MAD1L1: variants seen among roughly 807,000 people sequenced by gnomAD.
The protein encoded by MAD1L1 is mitotic spindle assembly checkpoint protein MAD1.
Under a neutral mutation model 96.9 loss-of-function variants are expected in MAD1L1, and 95 were observed. The ratio of observed to expected loss-of-function variants is 0.98; its 90% CI spans 0.83 to 1.16. The LOEUF (loss-of-function observed/expected upper bound fraction) is 1.16, where lower values mean the gene tolerates loss of function less well. Ranked by LOEUF, MAD1L1 falls within the 50% of genes most tolerant of loss-of-function variation. MAD1L1 has a pLI of 0.00. For missense variants in MAD1L1, 1,007 were observed against 954.4 expected, an observed-to-expected ratio of 1.06 and a Z score of -0.73; for synonymous variants, 473 against 396.6, an observed-to-expected ratio of 1.19 and a Z score of -2.29.
chr7:1,940,337 G>C (rs1254417425), intron 16 of MAD1L1: 1 of 152,262 alleles, frequency 6.6e-6, no homozygotes, highest in East Asian at 1.9e-4. Context: ...AGAGGATGAA[G>C]AGACATCTTG....
At chr7:2,017,635 G>A (rs1782601128) in intron 12 of MAD1L1, among the ~76,000 whole-genome samples, 1 of 152,220 alleles carries the variant, frequency 6.6e-6, no homozygotes, top group African/African-American at 2.4e-5. Flanking sequence ...CAATCAGAGG[G>A]AACAGCGTTG....
chr7:1,922,239 G>A (rs1395100623), intron 17 of MAD1L1, among the ~76,000 whole-genome samples: 2 of 152,240 alleles, frequency 1.3e-5, no homozygotes, highest in Non-Finnish European at 2.9e-5. Context: ...GCCGCGCCGC[G>A]TCTTTACTGC....
At chr7:1,980,957 G>A (rs531821010) in intron 14 of MAD1L1, among the ~76,000 whole-genome samples, 1 of 152,110 alleles carries the variant, frequency 6.6e-6, no homozygotes, top group Non-Finnish European at 1.5e-5. Flanking sequence ...CCGCCCGGGA[G>A]GGAGCCTGGA....
intron 13 of MAD1L1, among the ~76,000 whole-genome samples, chr7:2,006,812 G>T (rs1270892852): frequency 2.6e-5 from 4 of 152,208 alleles, no homozygotes; most frequent in Non-Finnish European, 4.4e-5. Flanking sequence ...AGCTTTGGGG[G>T]ACAGGCTCTC....
rs892336276 is a variant in MAD1L1 at position 2,103,153 on chromosome 7, C to G, written c.1074-33815G>C. On this transcript the variant is annotated intron_variant, in intron 11 of 18. Transcript: ENST00000265854. The surrounding 1 kb of genome is among the most constrained non-coding windows in gnomAD (Gnocchi z 4.3). The stretch of plus-strand genomic sequence containing the variant: ...GCTGCCTCTGCCTGGAACGGGCTCT[C>G]TCCCCTGCCCCTGCACCCTACAAAG... Among the ~76,000 whole-genome samples the G allele has an allele frequency of 5.3e-4, 80 of 152,310 alleles. 1 individual carries two copies. The highest frequency in any genetic ancestry group is 3.5e-3 in the South Asian group (17 of 4,828).
At chr7:1,954,048 G>A (rs534908605) in intron 16 of MAD1L1, among the ~76,000 whole-genome samples, 1 of 152,230 alleles carries the variant, frequency 6.6e-6, no homozygotes, top group African/African-American at 2.4e-5. Flanking sequence ...CGTAGCCTGT[G>A]AGCCCCGACC....
intron 17 of MAD1L1, among the ~76,000 whole-genome samples, chr7:1,918,827 G>A (rs530183976): frequency 1.3e-5 from 2 of 152,308 alleles, no homozygotes; most frequent in African/African-American, 2.4e-5. Flanking sequence ...ACAGCTCCCG[G>A]CCCCAGGGCG....
At chr7:1,908,178 C>T (rs1303033227) in intron 17 of MAD1L1, among the ~76,000 whole-genome samples, 1 of 152,234 alleles carries the variant, frequency 6.6e-6, no homozygotes, top group Non-Finnish European at 1.5e-5. Flanking sequence ...GCTGCTGCAG[C>T]TGGAACTGGG....
At chr7:2,080,346 T>C (rs984459612) in intron 11 of MAD1L1, among the ~76,000 whole-genome samples, 8 of 152,136 alleles carry the variant, frequency 5.3e-5, no homozygotes, top group East Asian at 1.9e-4. Flanking sequence ...ACCACAGATA[T>C]GAGGTTTAGA....
At chr7:1,978,834 T>C (rs971545676) in intron 15 of MAD1L1, among the ~76,000 whole-genome samples, 6 of 152,132 alleles carry the variant, frequency 3.9e-5, no homozygotes, top group African/African-American at 1.4e-4. Context: ...TCAGCCTCCA[T>C]GCTCGGCCCT....
intron 11 of MAD1L1, chr7:2,089,072 G>T (rs1309458005): frequency 6.6e-6 from 1 of 152,318 alleles, no homozygotes; most frequent in Non-Finnish European, 1.5e-5. Context: ...CTTTGACAGG[G>T]AGAGCGGCTC....
intron 11 of MAD1L1, among the ~76,000 whole-genome samples, chr7:2,090,152 G>C (rs1488494366): frequency 6.6e-6 from 1 of 152,240 alleles, no homozygotes; most frequent in Non-Finnish European, 1.5e-5. Context: ...TGGTCGGTAA[G>C]GGGCCTCAAA....
chr7:2,083,085 G>A (rs1785735218), intron 11 of MAD1L1, among the ~76,000 whole-genome samples: 1 of 152,202 alleles, frequency 6.6e-6, no homozygotes, highest in East Asian at 1.9e-4. Flanking sequence ...GGGTACCCAG[G>A]GCTGACAGCC....
At chr7:2,217,828 C>A in intron 7 of MAD1L1, 134 bp downstream of exon 7, 1 of 746,798 alleles carries the variant, frequency 1.3e-6, no homozygotes, top group South Asian at 1.6e-5. Flanking sequence ...CAGCACAGTG[C>A]CCAACACACA....
At chr7:2,199,902 T>C (rs1311054194) in intron 10 of MAD1L1, among the ~76,000 whole-genome samples, 2 of 152,230 alleles carry the variant, frequency 1.3e-5, no homozygotes, top group Non-Finnish European at 2.9e-5. Context: ...GTCCCCAGCT[T>C]AGGGCAGACA....
chr7:1,859,833 T>C (rs1759796948), intron 18 of MAD1L1, among the ~76,000 whole-genome samples: 2 of 98,542 alleles, frequency 2.0e-5, no homozygotes, highest in Admixed American at 2.6e-4. Flanking sequence ...TCTGTCTCCC[T>C]TAGACATGAT....
intron 3 of MAD1L1, 44 bp from the exon 4 acceptor site, chr7:2,225,594 G>A: frequency 1.2e-6 from 2 of 1,600,630 alleles, no homozygotes; most frequent in Non-Finnish European, 1.7e-6. Flanking sequence ...CTCAGTGACG[G>A]CATCAAACCA....
chr7:2,181,284 G>A (rs1034552877), intron 10 of MAD1L1, among the ~76,000 whole-genome samples: 6 of 152,258 alleles, frequency 3.9e-5, no homozygotes, highest in Non-Finnish European at 8.8e-5. Flanking sequence ...AGGGCTGGCT[G>A]CTGGTGCTGC....
chr7:1,942,569 T>A (rs146268277), intron 16 of MAD1L1, among the ~76,000 whole-genome samples: 1 of 151,960 alleles, frequency 6.6e-6, no homozygotes. Flanking sequence ...ACAGCACCAC[T>A]CCTGCACCCA....
Sources: allele counts gnomAD v4.1 joint callset (sites outside exome capture counted in the v4.1 genomes callset), GRCh38; gene constraint gnomAD v4.1.1; non-coding constraint Gnocchi (gnomAD v3.1); transcripts MANE v1.5; gene names NCBI Gene and HGNC (gene_info 2026-07-23, HGNC 2026-07-21).